Variants in TENT5D observed in about 807,000 individuals in gnomAD.
TENT5D encodes the protein terminal nucleotidyltransferase 5D.
For synonymous variants in TENT5D, 103 were observed against 100.6 expected (o/e 1.02, Z -0.15); for missense variants, 191 against 287.0 (o/e 0.67, Z 2.42).
intron 1 of TENT5D, among the ~76,000 whole-genome samples, chrX:80,423,293 G>A (rs1931923825): frequency 8.9e-6 from 1 of 111,885 alleles, no homozygotes; most frequent in South Asian, 3.7e-4. Context: ...GCAGTATTTT[G>A]TTGTTTGAGA....
At chrX:80,443,015 T>C in exon 3 of TENT5D, 1 of 1,211,456 alleles carries the variant, frequency 8.3e-7, no homozygotes, top group Non-Finnish European at 1.1e-6. Context: ...AATTTAGAAC[T>C]AAAATTTGTG....
chrX:80,364,833 A>T (rs1343087135), intron 3 of TENT5D, among the ~76,000 whole-genome samples: 1 of 110,407 alleles, frequency 9.1e-6, no homozygotes. Flanking sequence ...TACTTTAAAA[A>T]CATTATTCTA....
chrX:80,353,439 T>C (rs68117947), intron 3 of TENT5D, among the ~76,000 whole-genome samples: 28,959 of 110,420 alleles, frequency 0.26, 3,642 homozygotes, highest in East Asian at 0.56. Flanking sequence ...TCCTATCCTC[T>C]ACCTTCATCT....
chrX:80,438,444 A>G (rs755625151), intron 1 of TENT5D, among the ~76,000 whole-genome samples, 166 bp from the exon 2 acceptor site: 1 of 107,763 alleles, frequency 9.3e-6, no homozygotes, highest in Non-Finnish European at 1.9e-5. Context: ...TTTTAGAGCA[A>G]TCATTTCATC....
intron 3 of TENT5D, among the ~76,000 whole-genome samples, chrX:80,412,555 T>G (rs1281068733): frequency 8.9e-6 from 1 of 112,433 alleles, no homozygotes; most frequent in East Asian, 2.8e-4. Context: ...TTGAATGCTT[T>G]GCTGCTTAGA....
chrX:80,404,155 G>C (rs1931438477), intron 3 of TENT5D, among the ~76,000 whole-genome samples: 1 of 111,564 alleles, frequency 9.0e-6, no homozygotes, highest in African/African-American at 3.3e-5. Flanking sequence ...TTTATAAAAA[G>C]TTTAAAACAA....
chrX:80,425,004 G>A (rs1349106794), intron 1 of TENT5D, among the ~76,000 whole-genome samples: 1 of 112,634 alleles, frequency 8.9e-6, no homozygotes, highest in Non-Finnish European at 1.9e-5. Context: ...TACAGGGACT[G>A]TGTAGACAAA....
upstream of TENT5D, among the ~76,000 whole-genome samples, chrX:80,417,617 G>A (rs1200531010): frequency 9.0e-6 from 1 of 111,100 alleles, no homozygotes; most frequent in Admixed American, 9.6e-5. Context: ...TTTTATTTAA[G>A]TATGCCGAAT....
At chrX:80,370,082 C>A (rs1020544934) in intron 3 of TENT5D, among the ~76,000 whole-genome samples, 1 of 109,140 alleles carries the variant, frequency 9.2e-6, no homozygotes, top group African/African-American at 3.3e-5. Flanking sequence ...GCCACCACAC[C>A]CAACTATGTT....
At chrX:80,420,291 A>G (rs1931859566), upstream of TENT5D, among the ~76,000 whole-genome samples, 1 of 109,844 alleles carries the variant, frequency 9.1e-6, no homozygotes, top group Admixed American at 1.0e-4. Flanking sequence ...CCTGTTTTTA[A>G]TCTTTAATAT....
At chrX:80,380,375 C>A (rs916226120) in intron 3 of TENT5D, among the ~76,000 whole-genome samples, 16 of 110,913 alleles carry the variant, frequency 1.4e-4, no homozygotes, top group Non-Finnish European at 2.3e-4. Context: ...TGCTTTGCTT[C>A]CAACTATGTG....
rs773916495 is a variant in TENT5D at position 80,368,138 on chromosome X, T to C, written c.-142+25574T>C. Among the ~76,000 whole-genome samples, 5 of 111,748 alleles carry C rather than the reference T, an allele frequency of 4.5e-5. No homozygotes were observed. The East Asian group carries it at 1.1e-3, about 25-fold the overall frequency. On this transcript the variant is annotated intron_variant, in intron 3 of 4. Coordinates refer to the TENT5D transcript ENST00000538312. ...ACACTATGTACCCATAAAATAAAAA[T>C]AATTTTAAAATTACCCAGAAGAAAT...
chrX:80,374,314 G>A lies in TENT5D; in HGVS notation c.-142+31750G>A, dbSNP rs780781720. Among the ~76,000 whole-genome samples, 27 of 111,291 alleles carry A rather than the reference G, an allele frequency of 2.4e-4. 1 individual carries two copies. Among genetic ancestry groups the A allele is most frequent in the Admixed American group, 1.2e-3 (13 of 10,417 alleles). On this transcript the variant is annotated intron_variant, in intron 3 of 4. Coordinates refer to the TENT5D transcript ENST00000538312. ...ATAGTGCTGCAATGAACACACGTGC[G>A]CATGATAGAAGATTTATATTCCTTT...
At chrX:80,410,846 A>G (rs1366066541) in intron 3 of TENT5D, among the ~76,000 whole-genome samples, 1 of 107,044 alleles carries the variant, frequency 9.3e-6, no homozygotes, top group East Asian at 3.0e-4. Context: ...AACCAACCCA[A>G]ATGTCCAACA....
chrX:80,354,894 A>G (rs1020239943), intron 3 of TENT5D, among the ~76,000 whole-genome samples: 3 of 111,863 alleles, frequency 2.7e-5, no homozygotes, highest in African/African-American at 9.7e-5. Flanking sequence ...CTTTTATTCC[A>G]TGATGCCCTT....
chrX:80,402,402 T>G (rs1931404775), intron 3 of TENT5D, among the ~76,000 whole-genome samples: 1 of 112,085 alleles, frequency 8.9e-6, no homozygotes, highest in Non-Finnish European at 1.9e-5. Flanking sequence ...TTCCATTTAT[T>G]TCTTCTCTGA....
At chrX:80,444,458 T>G (rs974146556) in exon 3 of TENT5D, 1 of 122,288 alleles carries the variant, frequency 8.2e-6, no homozygotes, top group African/African-American at 3.3e-5. Flanking sequence ...ACAGGGTTTT[T>G]TGCCCCTCAA....
At chrX:80,422,428 G>A (rs759453775) in intron 1 of TENT5D, among the ~76,000 whole-genome samples, 7 of 111,766 alleles carry the variant, frequency 6.3e-5, no homozygotes, top group African/African-American at 2.0e-4. Context: ...AGCTGAGATC[G>A]CGCCACTACA....
chrX:80,413,076 A>C (rs1339379990), intron 3 of TENT5D, among the ~76,000 whole-genome samples: 1 of 111,658 alleles, frequency 9.0e-6, no homozygotes, highest in African/African-American at 3.2e-5. Context: ...TATAACCCTC[A>C]TACCAAATTT....
Sources: allele counts gnomAD v4.1 joint callset (sites outside exome capture counted in the v4.1 genomes callset), GRCh38; gene constraint gnomAD v4.1.1; transcripts MANE v1.5; gene names NCBI Gene and HGNC (gene_info 2026-07-23, HGNC 2026-07-21).